The following SP140 variants were observed in gnomAD, a reference collection of about 807,000 sequenced individuals.
The protein encoded by SP140 is SP140 nuclear body protein.
A neutral mutation model predicts 125.0 loss-of-function variants in SP140; 81 were observed. The observed-to-expected ratio is 0.65, with a 90% CI of 0.54 to 0.78. SP140 has a LOEUF of 0.78. Among genes scored for constraint, SP140 ranks in the 30% least tolerant of loss-of-function variants. The pLI is 0.00. For synonymous variants in SP140, 312 were observed against 354.0 expected (o/e 0.88, Z 1.33); for missense variants, 858 against 1,037.0 (o/e 0.83, Z 2.37).
chr2:230,219,709 G>A (rs555393812), intron 3 of SP140: 302 of 156,920 alleles, frequency 1.9e-3, no homozygotes, highest in African/African-American at 6.8e-3. Context: ...TTCCCTCCAT[G>A]TGCCCCCTTT....
At chr2:230,289,266 T>C (rs1276747671) in intron 18 of SP140, among the ~76,000 whole-genome samples, 1 of 152,256 alleles carries the variant, frequency 6.6e-6, no homozygotes. Flanking sequence ...AGTGTCTTCT[T>C]TTAAGAAGTG....
chr2:230,235,338 C>G (rs2047814964), intron 1 of SP140, among the ~76,000 whole-genome samples: 1 of 152,182 alleles, frequency 6.6e-6, no homozygotes, highest in Admixed American at 6.5e-5. Flanking sequence ...CACTTTTTCT[C>G]TTTCATACTT....
intron 22 of SP140, among the ~76,000 whole-genome samples, chr2:230,301,358 G>A (rs1305750280): frequency 6.6e-6 from 1 of 152,148 alleles, no homozygotes; most frequent in Non-Finnish European, 1.5e-5. Flanking sequence ...CTAAAGTTAA[G>A]ATGAAGGAAA....
chr2:230,288,006 A>G (rs1184383137), intron 18 of SP140, 40 bp downstream of exon 18: 3 of 1,530,508 alleles, frequency 2.0e-6, no homozygotes, highest in Non-Finnish European at 2.7e-6. Context: ...ATAACTAAAC[A>G]TCTAATTTCC....
upstream of SP140, among the ~76,000 whole-genome samples, chr2:230,199,181 T>C (rs146598419): frequency 9.9e-4 from 148 of 149,036 alleles, 1 homozygote; most frequent in Middle Eastern, 6.9e-3. Context: ...TGAGGTTTGC[T>C]GTCACACACA....
intron 8 of SP140, 22 bp from the exon 9 acceptor site, chr2:230,248,863 T>G: frequency 6.3e-7 from 1 of 1,597,032 alleles, no homozygotes; most frequent in Non-Finnish European, 8.6e-7. Flanking sequence ...CTGTGGTCTG[T>G]CAATTTCTTG....
At chr2:230,222,073 C>CA (rs1208615619), upstream of SP140, among the ~76,000 whole-genome samples, 2 of 151,892 alleles carry the variant, frequency 1.3e-5, no homozygotes, top group Non-Finnish European at 2.9e-5. Context: ...ACTAAAAACA[C>CA]AAAAAAATTA....
chr2:230,303,986 A>G (rs769322308), intron 22 of SP140, among the ~76,000 whole-genome samples: 2 of 152,178 alleles, frequency 1.3e-5, no homozygotes, highest in African/African-American at 2.4e-5. Context: ...CGCCAATATG[A>G]TCGTATACCT....
Position 230,211,338 on chromosome 2 carries a change from G to A in SP140, c.-322-2316G>A, listed in dbSNP as rs2044451409. ...GCCTGTTCAAGCTCCCAAGTGCTGG[G>A]TGAACTGGAAGCTGGGCCAAGATTG... On this transcript the variant is annotated intron_variant, in intron 1 of 4. Transcript: ENST00000456542. This position sits in a 1 kb window ranked among gnomAD's most constrained non-coding sequence, Gnocchi z 4.2. 1.4e-6 allele frequency: 1 copy of A among 725,626 alleles called. No individual in the cohort carries two copies. Among genetic ancestry groups the A allele is most frequent in the South Asian group, 1.4e-5 (1 of 69,226 alleles). The allele number at this position is 725,626 out of a possible 1,614,324, so 44.9% of individuals were successfully genotyped here. A position where few individuals can be genotyped will look rare whatever the true frequency, so the allele number is the denominator to read the frequency against.
chr2:230,269,487 A>G, intron 12 of SP140, 45 bp from the exon 13 acceptor site: 1 of 1,216,816 alleles, frequency 8.2e-7, no homozygotes, highest in Non-Finnish European at 1.2e-6. Flanking sequence ...TTCTGTGGTC[A>G]TTGTCTCAGG....
intron 5 of SP140, 39 bp from the exon 6 acceptor site, chr2:230,244,949 A>T (rs754235420): frequency 7.0e-7 from 1 of 1,418,784 alleles, no homozygotes; most frequent in East Asian, 2.3e-5. Flanking sequence ...GAGCATCCTG[A>T]GGTCTGTGCT....
At chr2:230,287,493 TCA>T (rs2056538101) in intron 17 of SP140, among the ~76,000 whole-genome samples, 1 of 152,224 alleles carries the variant, frequency 6.6e-6, no homozygotes, top group Non-Finnish European at 1.5e-5. Context: ...ACGGTAATCA[TCA>T]TTTTGATCTT....
intron 2 of SP140, 132 bp from the exon 3 acceptor site, chr2:230,238,081 A>G (rs1574934199): frequency 1.6e-6 from 1 of 613,822 alleles, no homozygotes; most frequent in Non-Finnish European, 2.8e-6. Flanking sequence ...GGTGGAGGAC[A>G]TTTAAGAAGT....
chr2:230,253,832 G>C (rs537219708), intron 11 of SP140, among the ~76,000 whole-genome samples: 1 of 152,212 alleles, frequency 6.6e-6, no homozygotes, highest in Non-Finnish European at 1.5e-5. Flanking sequence ...TTGAATGCTT[G>C]CAATTGAGAA....
intron 15 of SP140, among the ~76,000 whole-genome samples, chr2:230,280,534 A>G (rs1336651417): frequency 6.6e-6 from 1 of 152,066 alleles, no homozygotes; most frequent in African/African-American, 2.4e-5. Context: ...ATTGTTGACC[A>G]TTCTCTATTT....
chr2:230,310,605 T>C (rs1384209236), intron 23 of SP140, 138 bp from the exon 24 acceptor site: 3 of 1,580,064 alleles, frequency 1.9e-6, no homozygotes, highest in African/African-American at 2.7e-5. Context: ...GTGTGAATCT[T>C]GCATACTTTG....
chr2:230,238,485 T>A, intron 3 of SP140, 104 bp downstream of exon 3: 1 of 1,124,154 alleles, frequency 8.9e-7, no homozygotes, highest in African/African-American at 1.6e-5. Context: ...ACTGAGTGAC[T>A]ATTACATGCC....
upstream of SP140, among the ~76,000 whole-genome samples, chr2:230,201,248 A>C (rs1243966112): frequency 6.6e-6 from 1 of 152,230 alleles, no homozygotes; most frequent in Non-Finnish European, 1.5e-5. Flanking sequence ...AGAGTCTCTC[A>C]AAGTAAGGTC....
chr2:230,192,066 C>T, the SP140 span, among the ~76,000 whole-genome samples: 1 of 152,102 alleles, frequency 6.6e-6, no homozygotes, highest in African/African-American at 2.4e-5. Context: ...CAGAAAAGGC[C>T]TTTGATAAAA....
Sources: gnomAD v4.1 joint callset for allele counts (sites outside exome capture counted in the v4.1 genomes callset) on GRCh38, gnomAD v4.1.1 for gene constraint, Gnocchi (gnomAD v3.1) non-coding constraint, MANE v1.5 for transcripts, NCBI Gene and HGNC (gene_info 2026-07-23, HGNC 2026-07-21) for gene names.